PDE7A: variants seen among roughly 807,000 people sequenced by gnomAD.
PDE7A encodes high affinity 3',5'-cyclic-AMP phosphodiesterase 7A.
A neutral mutation model predicts 64.3 loss-of-function variants in PDE7A; 39 were observed. That is an observed-to-expected ratio of 0.61 (90% confidence interval 0.47 to 0.79). PDE7A has a LOEUF of 0.79. Among genes scored for constraint, PDE7A ranks in the 30% least tolerant of loss-of-function variants. The pLI is 0.00. For synonymous variants in PDE7A, 203 were observed against 206.8 expected, an observed-to-expected ratio of 0.98 and a Z score of 0.16; for missense variants, 470 against 582.8, an observed-to-expected ratio of 0.81 and a Z score of 1.99.
intron 1 of PDE7A, among the ~76,000 whole-genome samples, chr8:65,798,206 A>ATATATATATATTTTT: frequency 1.9e-4 from 14 of 73,800 alleles, no homozygotes; most frequent in African/African-American, 2.9e-4. Flanking sequence ...ATATATATAT[A>ATATATATATATTTTT]TTTTTTTTTT....
At chr8:65,745,516 C>T (rs374695107) in intron 4 of PDE7A, 46 bp from the exon 5 acceptor site, 2 of 1,069,528 alleles carry the variant, frequency 1.9e-6, no homozygotes, top group African/African-American at 3.1e-5. Flanking sequence ...ATTTCAATAA[C>T]ATTGTCTTTT....
chr8:65,730,893 A>G (rs1310052840), intron 7 of PDE7A, among the ~76,000 whole-genome samples: 3 of 152,350 alleles, frequency 2.0e-5, no homozygotes, highest in South Asian at 4.1e-4. Context: ...ACTGCACTCC[A>G]GCCTGGGCGA....
At chr8:65,799,114 GCCCCAA>G (rs1160401261) in intron 1 of PDE7A, among the ~76,000 whole-genome samples, 1 of 152,038 alleles carries the variant, frequency 6.6e-6, no homozygotes, top group Non-Finnish European at 1.5e-5. Flanking sequence ...ATGGCAAAGG[GCCCCAA>G]AAGAACTTTT....
chr8:65,735,750 C>T (rs6986048), intron 6 of PDE7A, among the ~76,000 whole-genome samples: 16,588 of 152,132 alleles, frequency 0.11, 1,129 homozygotes, highest in Middle Eastern at 0.17. Flanking sequence ...CTCAGCCACC[C>T]GAGTAGCTGG....
intron 11 of PDE7A, 102 bp downstream of exon 11, chr8:65,724,153 C>A: frequency 1.5e-6 from 1 of 668,464 alleles, no homozygotes; most frequent in Non-Finnish European, 2.6e-6. Context: ...AATGTCAAGA[C>A]TCTACTGCTA....
intron 1 of PDE7A, among the ~76,000 whole-genome samples, chr8:65,814,228 T>C (rs961253191): frequency 2.0e-5 from 3 of 152,116 alleles, no homozygotes; most frequent in Non-Finnish European, 4.4e-5. Flanking sequence ...AAAAGGACTT[T>C]CGGCCGGGCG....
chr8:65,806,337 T>A (rs1246229437), intron 1 of PDE7A, among the ~76,000 whole-genome samples: 1 of 152,102 alleles, frequency 6.6e-6, no homozygotes, highest in Non-Finnish European at 1.5e-5. Context: ...AGAAAGTAGA[T>A]TATTAATTGC....
At chr8:65,746,452 T>C (rs1437495498) in intron 4 of PDE7A, among the ~76,000 whole-genome samples, 1 of 152,206 alleles carries the variant, frequency 6.6e-6, no homozygotes, top group Non-Finnish European at 1.5e-5. Flanking sequence ...ATTATCTAAA[T>C]ATGCTTATAA....
intron 4 of PDE7A, among the ~76,000 whole-genome samples, chr8:65,746,605 A>C (rs1332631992): frequency 2.6e-5 from 4 of 152,146 alleles, no homozygotes; most frequent in East Asian, 3.8e-4. Context: ...CTAGAAAAAA[A>C]CTTATATTTT....
At chr8:65,753,915 G>C (rs558130451) in intron 3 of PDE7A, among the ~76,000 whole-genome samples, 1 of 151,650 alleles carries the variant, frequency 6.6e-6, no homozygotes, top group Non-Finnish European at 1.5e-5. Flanking sequence ...AGTGTATACT[G>C]TCTGCCAATA....
Position 65,818,534 on chromosome 8 carries a change from G to A in PDE7A, c.138+22837C>T, listed in dbSNP as rs184466373. Among the ~76,000 whole-genome samples, 338 of 152,282 alleles carry A rather than the reference G, an allele frequency of 2.2e-3. 2 individuals are homozygous for A. The highest frequency in any genetic ancestry group is 7.9e-3 in the South Asian group (38 of 4,824). On this transcript the variant is annotated intron_variant, in intron 1 of 12. Coordinates refer to ENST00000401827, the MANE Select transcript of PDE7A (RefSeq NM_001242318.3). ...TACTGTGACACTCAACAGAGACTGT[G>A]TTCAAATACCTCAAGATAGCAAGGC...
At chr8:65,746,916 A>G (rs1807699633) in intron 4 of PDE7A, among the ~76,000 whole-genome samples, 1 of 152,216 alleles carries the variant, frequency 6.6e-6, no homozygotes, top group Non-Finnish European at 1.5e-5. Flanking sequence ...CAAACTCAAG[A>G]ATCTGGTCTG....
rs369914773 is a variant in PDE7A, at chr8:65,797,346, C to T, written c.139-14503G>A. 3.4e-4 allele frequency among the ~76,000 whole-genome samples: 52 copies of T among 152,290 alleles called. No homozygotes were observed. The East Asian group carries it at 9.8e-3, about 29-fold the overall frequency. ...CCCTCTAAGAACAGGGAAATTTGGA[C>T]AGACCACACAAATGCACAGGGGAGA... On this transcript the variant is annotated intron_variant, in intron 1 of 12. Coordinates refer to ENST00000401827, the MANE Select transcript of PDE7A (RefSeq NM_001242318.3).
At chr8:65,805,355 A>C (rs1330358100) in intron 1 of PDE7A, among the ~76,000 whole-genome samples, 1 of 152,218 alleles carries the variant, frequency 6.6e-6, no homozygotes, top group Non-Finnish European at 1.5e-5. Context: ...AAAGTTTCTA[A>C]AGTGTTGAGC....
intron 1 of PDE7A, among the ~76,000 whole-genome samples, chr8:65,838,118 AT>A (rs1810993627): frequency 6.6e-6 from 1 of 152,228 alleles, no homozygotes; most frequent in South Asian, 2.1e-4. Context: ...TCTAACCCAT[AT>A]AAGATTTGCT....
intron 1 of PDE7A, among the ~76,000 whole-genome samples, chr8:65,834,502 T>C (rs1810906701): frequency 6.6e-6 from 1 of 152,184 alleles, no homozygotes; most frequent in Admixed American, 6.5e-5. Flanking sequence ...CAGCTGTAAT[T>C]ATAATTGTTA....
chr8:65,739,647 AATTAT>A (rs745771371), intron 5 of PDE7A, 50 bp from the exon 6 acceptor site: 3 of 1,399,078 alleles, frequency 2.1e-6, no homozygotes, highest in Non-Finnish European at 2.8e-6. Flanking sequence ...AAGTCAACAC[AATTAT>A]ATTATGCTTT....
At chr8:65,739,382 C>A in intron 6 of PDE7A, 120 bp downstream of exon 6, 3 of 1,133,474 alleles carry the variant, frequency 2.6e-6, no homozygotes, top group Non-Finnish European at 3.5e-6. Context: ...TTGTTTTAAG[C>A]CACTAATTTT....
chr8:65,823,486 C>T (rs1237883080), intron 1 of PDE7A, among the ~76,000 whole-genome samples: 1 of 152,074 alleles, frequency 6.6e-6, no homozygotes, highest in Non-Finnish European at 1.5e-5. Context: ...GTCTTATTTT[C>T]TATTTTTCTT....
Sources: gnomAD v4.1 joint callset for allele counts (sites outside exome capture counted in the v4.1 genomes callset) on GRCh38, gnomAD v4.1.1 for gene constraint, MANE v1.5 for transcripts, NCBI Gene and HGNC (gene_info 2026-07-23, HGNC 2026-07-21) for gene names.